Variants in PTPRD observed in about 807,000 individuals in gnomAD.
PTPRD encodes the protein protein tyrosine phosphatase receptor type D, also known as receptor-type tyrosine-protein phosphatase delta.
PTPRD carries 34 observed loss-of-function variants against 214.5 expected under a neutral mutation model. That is an observed-to-expected ratio of 0.16 (90% CI 0.12 to 0.21). PTPRD has a LOEUF of 0.21. Ranked by LOEUF, PTPRD falls within the 10% of genes least tolerant of loss-of-function variation. PTPRD has a pLI of 1.00. For missense variants in PTPRD, 2,545 were observed against 2,398.7 expected, an observed-to-expected ratio of 1.06 and a Z score of -1.27; for synonymous variants, 1,128 against 845.7, an observed-to-expected ratio of 1.33 and a Z score of -5.79.
chr9:10,371,090 A>G (rs2097604288), intron 2 of PTPRD, among the ~76,000 whole-genome samples: 1 of 152,064 alleles, frequency 6.6e-6, no homozygotes, highest in Non-Finnish European at 1.5e-5. Context: ...CTCAGTGATC[A>G]TATTTTTCAA....
intron 10 of PTPRD, among the ~76,000 whole-genome samples, chr9:9,097,439 C>G (rs1335355566): frequency 6.7e-6 from 1 of 149,706 alleles, no homozygotes; most frequent in East Asian, 2.0e-4. Flanking sequence ...GATGGAGTCT[C>G]GCTCTGTCAC....
At chr9:8,929,755 A>G (rs12003979) in intron 11 of PTPRD, among the ~76,000 whole-genome samples, 11,476 of 56,454 alleles carry the variant, frequency 0.2, 1,814 homozygotes, top group Middle Eastern at 0.25. Flanking sequence ...GTATATATAT[A>G]TGTATATATA....
Position 8,633,271 on chromosome 9 carries a change from G to T in PTPRD, c.352+46C>A, listed in dbSNP as rs202097630. The T allele has an allele frequency of 2.5e-6, 4 of 1,593,014 alleles. No homozygotes were observed. The East Asian group carries it at 9.0e-5, about 36-fold the overall frequency. On this transcript the variant is annotated intron_variant, in intron 14 of 45. Transcript: ENST00000381196. ...TCAATGATGCTACAAAAGAGATACA[G>T]AATTGTAACAATGACACAAACGACA...
At chr9:9,856,145 TATTCTCTG>T (rs995777015) in intron 5 of PTPRD, among the ~76,000 whole-genome samples, 1 of 152,106 alleles carries the variant, frequency 6.6e-6, no homozygotes, top group African/African-American at 2.4e-5. Flanking sequence ...GCGGCAGGAT[TATTCTCTG>T]AAGTTGCACC....
At chr9:9,948,516 A>G (rs1368439601) in intron 4 of PTPRD, among the ~76,000 whole-genome samples, 1 of 151,306 alleles carries the variant, frequency 6.6e-6, no homozygotes, top group Middle Eastern at 3.2e-3. Flanking sequence ...TAATAAAAGT[A>G]AAATGTAGAG....
intron 10 of PTPRD, among the ~76,000 whole-genome samples, chr9:9,038,291 C>A (rs1466163871): frequency 6.6e-6 from 1 of 152,110 alleles, no homozygotes; most frequent in Admixed American, 6.6e-5. Context: ...CTGGGACCTA[C>A]CACAGGACAG....
At chr9:9,574,588 G>T (rs1318313263) in intron 8 of PTPRD, 144 bp downstream of exon 8, 1 of 151,774 alleles carries the variant, frequency 6.6e-6, no homozygotes, top group Non-Finnish European at 1.5e-5. Context: ...CATTTTGATA[G>T]AAAATATCAC....
intron 14 of PTPRD, among the ~76,000 whole-genome samples, chr9:8,540,706 T>C (rs1004932807): frequency 2.2e-4 from 34 of 152,252 alleles, no homozygotes; most frequent in Admixed American, 4.6e-4. Context: ...ACAATCCACC[T>C]TCCCCTCAGC....
intron 8 of PTPRD, among the ~76,000 whole-genome samples, chr9:9,461,817 T>G (rs2093685654): frequency 6.6e-6 from 1 of 152,118 alleles, no homozygotes; most frequent in South Asian, 2.1e-4. Flanking sequence ...GAGAATAGAA[T>G]CTATGAGCCT....
intron 7 of PTPRD, among the ~76,000 whole-genome samples, chr9:9,605,924 CT>C (rs1386424409): frequency 6.6e-6 from 1 of 152,040 alleles, no homozygotes; most frequent in Non-Finnish European, 1.5e-5. Context: ...AACTAAGCTG[CT>C]GCTTGACTAT....
At chr9:9,751,298 G>A (rs2098516592) in intron 6 of PTPRD, among the ~76,000 whole-genome samples, 1 of 152,034 alleles carries the variant, frequency 6.6e-6, no homozygotes, top group South Asian at 2.1e-4. Flanking sequence ...ACTGCTCAAA[G>A]CTTGGAGACA....
At chr9:9,500,533 T>C (rs571689359) in intron 8 of PTPRD, among the ~76,000 whole-genome samples, 10 of 151,954 alleles carry the variant, frequency 6.6e-5, no homozygotes, top group Non-Finnish European at 1.2e-4. Context: ...GGGTATCAGG[T>C]AGGAGAGAGC....
chr9:9,174,596 G>C (rs191785998), intron 10 of PTPRD, among the ~76,000 whole-genome samples: 131 of 152,156 alleles, frequency 8.6e-4, no homozygotes, highest in African/African-American at 2.7e-3. Context: ...TTTAAATTGT[G>C]TAATATGTTC....
chr9:10,293,240 T>C (rs2095579517), intron 3 of PTPRD, among the ~76,000 whole-genome samples: 1 of 151,908 alleles, frequency 6.6e-6, no homozygotes, highest in Non-Finnish European at 1.5e-5. Context: ...ATTGGGGTTT[T>C]CCTGAAAGAG....
At chr9:9,470,666 C>A (rs1329733850) in intron 8 of PTPRD, among the ~76,000 whole-genome samples, 1 of 152,116 alleles carries the variant, frequency 6.6e-6, no homozygotes, top group East Asian at 1.9e-4. Context: ...ACTTCCAATT[C>A]AAGTGAAGAA....
intron 2 of PTPRD, among the ~76,000 whole-genome samples, chr9:10,541,023 A>G (rs1483841306): frequency 6.6e-6 from 1 of 152,196 alleles, no homozygotes; most frequent in East Asian, 1.9e-4. Context: ...AATCAAGTAA[A>G]AAAAGAAACC....
intron 3 of PTPRD, among the ~76,000 whole-genome samples, chr9:10,201,588 G>C (rs1007903531): frequency 6.6e-6 from 1 of 151,952 alleles, no homozygotes; most frequent in Non-Finnish European, 1.5e-5. Flanking sequence ...ATATGTGTGT[G>C]TGTGCATGTG....
At chr9:10,297,462 G>C (rs957188082) in intron 3 of PTPRD, among the ~76,000 whole-genome samples, 1 of 151,912 alleles carries the variant, frequency 6.6e-6, no homozygotes, top group Non-Finnish European at 1.5e-5. Context: ...TACTCTGTTT[G>C]GCCTGGGTTT....
At chr9:9,595,462 A>G (rs1563938574) in intron 7 of PTPRD, among the ~76,000 whole-genome samples, 1 of 150,628 alleles carries the variant, frequency 6.6e-6, no homozygotes. Flanking sequence ...ACATGTACGC[A>G]TATGTACACA....
Sources: allele counts gnomAD v4.1 joint callset (sites outside exome capture counted in the v4.1 genomes callset), GRCh38; gene constraint gnomAD v4.1.1; transcripts MANE v1.5; gene names NCBI Gene and HGNC (gene_info 2026-07-23, HGNC 2026-07-21).